Variants in TM9SF2 observed in about 807,000 individuals in gnomAD.
TM9SF2 encodes transmembrane 9 superfamily member 2.
Under a neutral mutation model 84.9 loss-of-function variants are expected in TM9SF2, and 13 were observed. The observed-to-expected ratio is 0.15, with a 90% CI of 0.10 to 0.24. The LOEUF (loss-of-function observed/expected upper bound fraction) is 0.24, where lower values mean the gene tolerates loss of function less well. Among genes scored for constraint, TM9SF2 ranks in the 10% least tolerant of loss-of-function variants. The pLI is 1.00. For synonymous variants in TM9SF2, 273 were observed against 285.8 expected (o/e 0.96, Z 0.45); for missense variants, 562 against 818.5 (o/e 0.69, Z 3.82).
chr13:99,545,406 A>G (rs2046278454), intron 10 of TM9SF2, among the ~76,000 whole-genome samples: 3 of 152,084 alleles, frequency 2.0e-5, no homozygotes. Context: ...TTGTAACTAT[A>G]TCATACTAAA....
In TM9SF2 at chr13:99,549,236, T is replaced by A. The variant is rs769726084; in HGVS notation, c.1328+14T>A. Reference sequence around the variant, plus strand: ...TCTTTGTCCTGGGTAAGTGAATTTTTCAAGAATTACTTTCTTAACATAGTT... The same window carrying A: ...TCTTTGTCCTGGGTAAGTGAATTTTACAAGAATTACTTTCTTAACATAGTT... On this transcript the variant is annotated intron_variant, in intron 12 of 16. Transcript: ENST00000376387. The A allele has an allele frequency of 2.5e-6, 4 of 1,609,676 alleles. No individual in the cohort carries two copies. The African/African-American group carries it at 5.3e-5, about 21-fold the overall frequency.
intron 11 of TM9SF2, among the ~76,000 whole-genome samples, chr13:99,548,213 G>A (rs755353885): frequency 6.6e-6 from 1 of 152,062 alleles, no homozygotes; most frequent in Non-Finnish European, 1.5e-5. Context: ...GCTCCCATCT[G>A]CACTCCACTC....
chr13:99,541,778 A>G (rs1417564265), intron 9 of TM9SF2, 111 bp downstream of exon 9: 1 of 582,132 alleles, frequency 1.7e-6, no homozygotes, highest in African/African-American at 2.0e-5. Context: ...TCTTCAAAAA[A>G]CAAAAACAAA....
chr13:99,543,702 C>A (rs377367408), intron 9 of TM9SF2, among the ~76,000 whole-genome samples, 161 bp from the exon 10 acceptor site: 1 of 152,160 alleles, frequency 6.6e-6, no homozygotes, highest in East Asian at 1.9e-4. Flanking sequence ...TATTAAGCTC[C>A]ATGAGTCAAG....
chr13:99,536,236 T>G (rs2046233388), intron 4 of TM9SF2, among the ~76,000 whole-genome samples: 1 of 152,082 alleles, frequency 6.6e-6, no homozygotes, highest in Non-Finnish European at 1.5e-5. Context: ...TACAATAAAT[T>G]AGTTTATAAA....
At chr13:99,525,095 G>A (rs1055429988) in intron 3 of TM9SF2, among the ~76,000 whole-genome samples, 5 of 152,146 alleles carry the variant, frequency 3.3e-5, no homozygotes, top group African/African-American at 1.2e-4. Flanking sequence ...TGTGAAAGCA[G>A]CCGTGATAGA....
rs768011182 is a variant in TM9SF2, at chr13:99,539,566, G to A, written c.828+9G>A. The A allele has an allele frequency of 6.7e-7, 1 of 1,502,310 alleles. No homozygotes were observed. The highest frequency in any genetic ancestry group is 9.3e-7 in the Non-Finnish European group (1 of 1,078,510). The allele number at this position is 1,502,310 out of a possible 1,614,324, so 93.1% of individuals were successfully genotyped here. A position where few individuals can be genotyped will look rare whatever the true frequency, so the allele number is the denominator to read the frequency against. The stretch of plus-strand genomic sequence containing the variant: ...ACTCTGTTAGCTTCGAGGTGAGTCT[G>A]TTGTTATCTTTAGTATAACTCTGAA... On this transcript the variant is annotated intron_variant, in intron 7 of 16. Transcript: ENST00000376387.
At chr13:99,531,991 C>T (rs1011545653) in intron 4 of TM9SF2, among the ~76,000 whole-genome samples, 1 of 151,906 alleles carries the variant, frequency 6.6e-6, no homozygotes, top group Non-Finnish European at 1.5e-5. Flanking sequence ...GCGTTTACTG[C>T]AATAGCTATC....
At chr13:99,531,009 C>T (rs9582318) in intron 4 of TM9SF2, among the ~76,000 whole-genome samples, 26,340 of 151,678 alleles carry the variant, frequency 0.17, 2,470 homozygotes, top group Non-Finnish European at 0.2. Context: ...TACATGTGCC[C>T]GCCACCACAC....
intron 16 of TM9SF2, among the ~76,000 whole-genome samples, chr13:99,560,644 A>T (rs2139115850): frequency 6.6e-6 from 1 of 152,346 alleles, no homozygotes; most frequent in Admixed American, 6.5e-5. Context: ...AGAAAATGAT[A>T]GCTTAACCAT....
intron 7 of TM9SF2, among the ~76,000 whole-genome samples, chr13:99,540,350 G>C (rs1474769918): frequency 1.3e-5 from 2 of 148,526 alleles, no homozygotes; most frequent in African/African-American, 5.0e-5. Flanking sequence ...AGCTGCCCCC[G>C]GCATAAAGAA....
intron 8 of TM9SF2, 49 bp from the exon 9 acceptor site, chr13:99,541,510 G>C: frequency 7.3e-7 from 1 of 1,367,068 alleles, no homozygotes; most frequent in Non-Finnish European, 1.0e-6. Flanking sequence ...GAGTTTTACT[G>C]TTCCTAGGAT....
intron 3 of TM9SF2, among the ~76,000 whole-genome samples, chr13:99,525,154 C>G (rs1030170791): frequency 1.3e-5 from 2 of 152,178 alleles, no homozygotes; most frequent in Admixed American, 1.3e-4. Context: ...GTGGACACAT[C>G]TACAACTGTC....
intron 1 of TM9SF2, among the ~76,000 whole-genome samples, chr13:99,512,236 T>C (rs139919117): frequency 2.6e-5 from 4 of 152,336 alleles, no homozygotes; most frequent in Admixed American, 2.0e-4. Context: ...TTATTTGTTA[T>C]AGTTATTGTG....
intron 16 of TM9SF2, among the ~76,000 whole-genome samples, chr13:99,560,051 T>C (rs1439619268): frequency 1.3e-5 from 2 of 152,214 alleles, no homozygotes; most frequent in African/African-American, 4.8e-5. Context: ...GTATTTATTT[T>C]ATATATGTAT....
intron 3 of TM9SF2, among the ~76,000 whole-genome samples, chr13:99,527,047 G>A (rs1023518049): frequency 2.6e-5 from 4 of 152,122 alleles, no homozygotes; most frequent in Non-Finnish European, 4.4e-5. Flanking sequence ...CTGAGAAGAG[G>A]TTGAGGAACT....
At chr13:99,560,135 G>A (rs1045441097) in intron 16 of TM9SF2, among the ~76,000 whole-genome samples, 42 of 152,114 alleles carry the variant, frequency 2.8e-4, no homozygotes, top group Admixed American at 9.2e-4. Flanking sequence ...CATTTGTCGC[G>A]TGAGTGACTG....
chr13:99,546,257 T>G (rs2046282126), intron 10 of TM9SF2, among the ~76,000 whole-genome samples: 2 of 152,128 alleles, frequency 1.3e-5, no homozygotes, highest in African/African-American at 4.8e-5. Flanking sequence ...CTCCTGAAAC[T>G]CAGTTCTCAG....
At chr13:99,504,001 A>G (rs1020784513) in intron 1 of TM9SF2, among the ~76,000 whole-genome samples, 2 of 152,240 alleles carry the variant, frequency 1.3e-5, no homozygotes, top group African/African-American at 4.8e-5. Flanking sequence ...AATGGAAACA[A>G]CTCTTAGAAG....
Sources: gnomAD v4.1 joint callset for allele counts (sites outside exome capture counted in the v4.1 genomes callset) on GRCh38, gnomAD v4.1.1 for gene constraint, MANE v1.5 for transcripts, NCBI Gene and HGNC (gene_info 2026-07-23, HGNC 2026-07-21) for gene names.